Variants in SULT4A1 observed in about 807,000 individuals in gnomAD.
SULT4A1 encodes sulfotransferase 4A1.
Under a neutral mutation model 35.2 loss-of-function variants are expected in SULT4A1, and 11 were observed. That is an observed-to-expected ratio of 0.31 (90% confidence interval 0.20 to 0.52). The LOEUF (loss-of-function observed/expected upper bound fraction) is 0.52. Among genes scored for constraint, SULT4A1 ranks in the 20% least tolerant of loss-of-function variants. SULT4A1 has a pLI of 0.97. For missense variants in SULT4A1, 271 were observed against 383.7 expected, an observed-to-expected ratio of 0.71 and a Z score of 2.45; for synonymous variants, 152 against 151.8, an observed-to-expected ratio of 1.00 and a Z score of -0.01.
At chr22:43,832,755 C>A (rs1281740371) in intron 5 of SULT4A1, among the ~76,000 whole-genome samples, 1 of 152,140 alleles carries the variant, frequency 6.6e-6, no homozygotes, top group Non-Finnish European at 1.5e-5. Context: ...CCAGGTCTGG[C>A]GTCTTCCTGC....
At chr22:43,826,389 C>A (rs1206030526) in intron 6 of SULT4A1, 1 of 984,896 alleles carries the variant, frequency 1.0e-6, no homozygotes, top group Non-Finnish European at 1.2e-6. Flanking sequence ...CATTCCACAC[C>A]CCCCGCTGGG....
chr22:43,856,721 CACT>C (rs1312970255), intron 1 of SULT4A1, among the ~76,000 whole-genome samples: 2 of 152,200 alleles, frequency 1.3e-5, no homozygotes, highest in African/African-American at 4.8e-5. Flanking sequence ...CGCAAGCTAA[CACT>C]ACAATAATAT....
At chr22:43,859,567 T>C (rs563547381) in intron 1 of SULT4A1, among the ~76,000 whole-genome samples, 1 of 152,226 alleles carries the variant, frequency 6.6e-6, no homozygotes, top group African/African-American at 2.4e-5. Flanking sequence ...AGGGACAAAA[T>C]ATTTTCACAG....
chr22:43,849,874 TTAAAAG>T (rs971194940), intron 1 of SULT4A1, among the ~76,000 whole-genome samples: 27 of 152,032 alleles, frequency 1.8e-4, no homozygotes, highest in Admixed American at 1.2e-3. Flanking sequence ...GACAGCTGGG[TTAAAAG>T]AGCACTGGAA....
chr22:43,853,913 T>C (rs2049372541), intron 1 of SULT4A1, among the ~76,000 whole-genome samples: 1 of 152,142 alleles, frequency 6.6e-6, no homozygotes, highest in South Asian at 2.1e-4. Flanking sequence ...CGCCCTTGTG[T>C]GAGAGAAAGT....
intron 4 of SULT4A1, among the ~76,000 whole-genome samples, chr22:43,834,308 A>T (rs1388718814): frequency 6.8e-6 from 1 of 147,482 alleles, no homozygotes; most frequent in African/African-American, 2.6e-5. Flanking sequence ...CCGCGCCCCC[A>T]CCGCGTCCCT....
At chr22:43,846,079 C>G (rs1012238438) in intron 1 of SULT4A1, among the ~76,000 whole-genome samples, 2 of 152,226 alleles carry the variant, frequency 1.3e-5, no homozygotes, top group Non-Finnish European at 2.9e-5. Flanking sequence ...CTGCCTCCCA[C>G]AGAGTCAACG....
In SULT4A1 at chr22:43,825,914, T is replaced by G. The variant is rs999975547; in HGVS notation, c.*87A>C. Reference sequence around the variant, plus strand: ...TTTCACACGCTGCTTCCAGAGTTTGTCCAGCAAGGAATAAATGAATGCATA... The same window carrying G: ...TTTCACACGCTGCTTCCAGAGTTTGGCCAGCAAGGAATAAATGAATGCATA... On this transcript the variant is annotated 3_prime_UTR_variant, in exon 7 of 7. Coordinates refer to ENST00000330884, the MANE Select transcript of SULT4A1 (RefSeq NM_014351.4). The G allele has an allele frequency of 2.3e-6, 3 of 1,326,640 alleles. No homozygotes were observed. Among genetic ancestry groups the G allele is most frequent in the African/African-American group, 2.9e-5 (2 of 68,256 alleles). The allele number at this position is 1,326,640 out of a possible 1,614,324, so 82.2% of individuals were successfully genotyped here. A position where few individuals can be genotyped will look rare whatever the true frequency, so the allele number is the denominator to read the frequency against.
chr22:43,857,603 G>A (rs2049416848), intron 1 of SULT4A1, among the ~76,000 whole-genome samples: 1 of 152,130 alleles, frequency 6.6e-6, no homozygotes, highest in African/African-American at 2.4e-5. Context: ...GGAATCCCAA[G>A]TAGAATAATT....
intron 4 of SULT4A1, among the ~76,000 whole-genome samples, chr22:43,835,678 A>C (rs1326303559): frequency 2.6e-5 from 4 of 152,184 alleles, no homozygotes; most frequent in Admixed American, 2.0e-4. Flanking sequence ...CCTGGGGCAG[A>C]AGGAAGAGTC....
intron 4 of SULT4A1, among the ~76,000 whole-genome samples, chr22:43,836,354 G>A (rs2063374287): frequency 7.0e-6 from 1 of 142,078 alleles, no homozygotes; most frequent in African/African-American, 2.7e-5. Flanking sequence ...TGTCTACACA[G>A]CGTCCTCCAA....
At chr22:43,842,785 C>T (rs956466299) in intron 1 of SULT4A1, among the ~76,000 whole-genome samples, 2 of 152,294 alleles carry the variant, frequency 1.3e-5, no homozygotes, top group Non-Finnish European at 2.9e-5. Flanking sequence ...TCAGAGAAGA[C>T]ACAAAGGCGA....
intron 1 of SULT4A1, among the ~76,000 whole-genome samples, chr22:43,851,664 G>A (rs142618944): frequency 1.8e-4 from 28 of 152,336 alleles, no homozygotes; most frequent in African/African-American, 6.7e-4. Context: ...GCTGAGGAGA[G>A]GAGGGGCTGG....
At position 43,847,464 on chromosome 22, in the gene SULT4A1, G is replaced by A. The variant is rs910567793; in HGVS notation, c.170-5532C>T. On this transcript the variant is annotated intron_variant, in intron 1 of 6. Coordinates refer to ENST00000330884, the MANE Select transcript of SULT4A1 (RefSeq NM_014351.4). ...CCCACTGGTCTCTCTCCATGCTCCTGGTGGTGCCCTTGGGCATGGGCATGA... is the reference window on the plus strand; with the variant it reads ...CCCACTGGTCTCTCTCCATGCTCCTAGTGGTGCCCTTGGGCATGGGCATGA... Among the ~76,000 whole-genome samples, 4 of 152,230 alleles carry A rather than the reference G, an allele frequency of 2.6e-5. No homozygotes were observed. In the East Asian group the frequency reaches 7.7e-4, roughly 29 times the overall value.
At chr22:43,826,996 C>T in intron 6 of SULT4A1, 1 of 985,472 alleles carries the variant, frequency 1.0e-6, no homozygotes, top group Non-Finnish European at 1.2e-6. Context: ...CTCAACATGA[C>T]AAGAGAAGTT....
At chr22:43,856,470 G>C (rs957303805) in intron 1 of SULT4A1, among the ~76,000 whole-genome samples, 12 of 152,138 alleles carry the variant, frequency 7.9e-5, no homozygotes, top group African/African-American at 2.9e-4. Flanking sequence ...GCCCTACCCA[G>C]ACCCAGCAAC....
intron 2 of SULT4A1, among the ~76,000 whole-genome samples, chr22:43,840,985 G>T (rs1180963968): frequency 6.6e-6 from 1 of 152,188 alleles, no homozygotes; most frequent in African/African-American, 2.4e-5. Context: ...AGCGCTGATC[G>T]CTGGCTAGCT....
chr22:43,852,544 G>C (rs1316077040), intron 1 of SULT4A1, among the ~76,000 whole-genome samples: 1 of 151,946 alleles, frequency 6.6e-6, no homozygotes, highest in Non-Finnish European at 1.5e-5. Context: ...GGGAGCTCCT[G>C]CCCCCATCCA....
intron 1 of SULT4A1, among the ~76,000 whole-genome samples, chr22:43,843,934 G>A (rs1164974918): frequency 2.0e-5 from 3 of 152,214 alleles, no homozygotes; most frequent in African/African-American, 7.2e-5. Flanking sequence ...GGGGCTTGTG[G>A]TTGGCATCAG....
Sources: gnomAD v4.1 joint callset for allele counts (sites outside exome capture counted in the v4.1 genomes callset) on GRCh38, gnomAD v4.1.1 for gene constraint, MANE v1.5 for transcripts, NCBI Gene and HGNC (gene_info 2026-07-23, HGNC 2026-07-21) for gene names.